The following SHISA9 variants were observed in gnomAD, a reference collection of about 807,000 sequenced individuals.
SHISA9 encodes shisa family member 9, also known as protein shisa-9.
Under a neutral mutation model 38.0 loss-of-function variants are expected in SHISA9, and 13 were observed. The observed-to-expected ratio is 0.34, with a 90% CI of 0.22 to 0.54. The LOEUF is 0.54. SHISA9 is among the 20% of genes least tolerant of loss of function. The pLI is 0.91. For synonymous variants in SHISA9, 275 were observed against 242.0 expected (o/e 1.14, Z -1.27); for missense variants, 538 against 575.8 (o/e 0.93, Z 0.67).
At chr16:13,395,776 A>G in the SHISA9 span, among the ~76,000 whole-genome samples, 1 of 152,110 alleles carries the variant, frequency 6.6e-6, no homozygotes, top group Non-Finnish European at 1.5e-5. Context: ...TGAGTGCTTG[A>G]CTTTTAGGTG....
the SHISA9 span, among the ~76,000 whole-genome samples, chr16:13,249,872 C>A: frequency 6.6e-6 from 1 of 152,178 alleles, no homozygotes; most frequent in East Asian, 1.9e-4. Context: ...ACTGGGACTA[C>A]AGGCACACAC....
intron 2 of SHISA9, among the ~76,000 whole-genome samples, chr16:12,918,631 G>T (rs745879231): frequency 6.6e-6 from 1 of 152,208 alleles, no homozygotes; most frequent in African/African-American, 2.4e-5. Flanking sequence ...TCTTGCGCCA[G>T]GCTGCTTTGG....
chr16:12,923,394 G>A (rs1222398399), intron 2 of SHISA9, among the ~76,000 whole-genome samples: 1 of 152,110 alleles, frequency 6.6e-6, no homozygotes, highest in Non-Finnish European at 1.5e-5. Context: ...TTGGTGTGGT[G>A]GTGCATGCCT....
intron 2 of SHISA9, among the ~76,000 whole-genome samples, chr16:12,936,822 C>T (rs1028708919): frequency 6.6e-6 from 1 of 152,124 alleles, no homozygotes; most frequent in African/African-American, 2.4e-5. Flanking sequence ...CTACTCGGTG[C>T]CTATGAATGA....
chr16:13,342,620 T>C, the SHISA9 span, among the ~76,000 whole-genome samples: 1 of 152,188 alleles, frequency 6.6e-6, no homozygotes, highest in African/African-American at 2.4e-5. Context: ...GATCCTTTGA[T>C]CTTTAAGGCA....
the SHISA9 span, among the ~76,000 whole-genome samples, chr16:13,352,656 G>A: frequency 1.4e-5 from 2 of 147,024 alleles, no homozygotes; most frequent in Non-Finnish European, 3.0e-5. Flanking sequence ...TCACCTGGGC[G>A]CAGGCGGGCT....
At chr16:13,281,908 G>T in the SHISA9 span, among the ~76,000 whole-genome samples, 2 of 151,390 alleles carry the variant, frequency 1.3e-5, no homozygotes, top group African/African-American at 4.8e-5. Context: ...CCCTTATGAT[G>T]CTTTATATAC....
chr16:13,304,199 C>G, the SHISA9 span, among the ~76,000 whole-genome samples: 1 of 152,168 alleles, frequency 6.6e-6, no homozygotes, highest in East Asian at 1.9e-4. Flanking sequence ...TTTTCAATTT[C>G]TAGTTCCAGG....
At chr16:13,284,538 A>T in the SHISA9 span, among the ~76,000 whole-genome samples, 1 of 152,278 alleles carries the variant, frequency 6.6e-6, no homozygotes, top group South Asian at 2.1e-4. Flanking sequence ...TTACCTGCTG[A>T]TTACCTGGTC....
intron 2 of SHISA9, among the ~76,000 whole-genome samples, chr16:13,019,943 CTTTCTTTCTTT>C (rs2072825998): frequency 2.1e-5 from 2 of 93,562 alleles, no homozygotes; most frequent in Non-Finnish European, 4.7e-5. Context: ...TTCTTTCTTT[CTTTCTTTCTTT>C]CTTTCCCTCC....
At chr16:13,119,858 G>A (rs2074068295) in intron 2 of SHISA9, among the ~76,000 whole-genome samples, 1 of 152,196 alleles carries the variant, frequency 6.6e-6, no homozygotes, top group South Asian at 2.1e-4. Flanking sequence ...GTTTTTTGTT[G>A]TTGTGGATTG....
At chr16:13,160,070 A>T (rs1194557578) in intron 2 of SHISA9, among the ~76,000 whole-genome samples, 1 of 152,224 alleles carries the variant, frequency 6.6e-6, no homozygotes, top group Admixed American at 6.5e-5. Context: ...CAATGAAGTC[A>T]GGGAAGATTG....
At chr16:13,436,636 C>A in the SHISA9 span, among the ~76,000 whole-genome samples, 1 of 152,182 alleles carries the variant, frequency 6.6e-6, no homozygotes, top group South Asian at 2.1e-4. Context: ...TGTGGACTCA[C>A]CCTGGATTCT....
At chr16:13,249,885 C>A in the SHISA9 span, among the ~76,000 whole-genome samples, 1 of 152,278 alleles carries the variant, frequency 6.6e-6, no homozygotes, top group Admixed American at 6.5e-5. Context: ...GCACACACCA[C>A]CCTGCCCAGC....
chr16:13,470,453 C>T, the SHISA9 span, among the ~76,000 whole-genome samples: 2 of 152,126 alleles, frequency 1.3e-5, no homozygotes, highest in South Asian at 4.1e-4. Context: ...CTGGAAAGGC[C>T]TCAGAATCAT....
chr16:12,995,130 G>A (rs1391154385), intron 2 of SHISA9, among the ~76,000 whole-genome samples: 1 of 151,774 alleles, frequency 6.6e-6, no homozygotes, highest in Non-Finnish European at 1.5e-5. Context: ...TATTTATGGG[G>A]TACATGAGAT....
chr16:13,083,685 G>T (rs2073679311), intron 2 of SHISA9, among the ~76,000 whole-genome samples: 1 of 152,142 alleles, frequency 6.6e-6, no homozygotes, highest in South Asian at 2.1e-4. Flanking sequence ...TGGGCTGCTT[G>T]TGTTTGTCAT....
At chr16:12,995,200 C>T (rs1372065706) in intron 2 of SHISA9, among the ~76,000 whole-genome samples, 1 of 152,062 alleles carries the variant, frequency 6.6e-6, no homozygotes, top group Non-Finnish European at 1.5e-5. Flanking sequence ...GAATCCATCC[C>T]CGCAAGCATT....
At chr16:13,000,219 G>C (rs1245967710) in intron 2 of SHISA9, among the ~76,000 whole-genome samples, 2 of 151,998 alleles carry the variant, frequency 1.3e-5, no homozygotes, top group African/African-American at 4.8e-5. Flanking sequence ...GGGACAAGCT[G>C]CTTCAATTCT....
Sources: gnomAD v4.1 joint callset for allele counts (sites outside exome capture counted in the v4.1 genomes callset) on GRCh38, gnomAD v4.1.1 for gene constraint, MANE v1.5 for transcripts, NCBI Gene and HGNC (gene_info 2026-07-23, HGNC 2026-07-21) for gene names.